Variants in SULF1 observed in about 807,000 individuals in gnomAD.
The protein encoded by SULF1 is sulfatase 1.
A neutral mutation model predicts 110.5 loss-of-function variants in SULF1; 46 were observed. The observed-to-expected ratio is 0.42, with a 90% CI of 0.33 to 0.53. SULF1 has a LOEUF of 0.53. Among genes scored for constraint, SULF1 ranks in the 20% least tolerant of loss-of-function variants. The pLI is 0.12. For synonymous variants in SULF1, 371 were observed against 387.1 expected, an observed-to-expected ratio of 0.96 and a Z score of 0.49; for missense variants, 941 against 1,094.2, an observed-to-expected ratio of 0.86 and a Z score of 1.98.
chr8:69,643,551 G>A (rs896402015), intron 22 of SULF1, among the ~76,000 whole-genome samples: 3 of 152,170 alleles, frequency 2.0e-5, no homozygotes, highest in Non-Finnish European at 4.4e-5. Flanking sequence ...TGTACAAGAT[G>A]AACTAAATAA....
intron 19 of SULF1, among the ~76,000 whole-genome samples, chr8:69,634,785 T>G (rs979010002): frequency 2.0e-5 from 3 of 151,900 alleles, no homozygotes; most frequent in Non-Finnish European, 4.4e-5. Flanking sequence ...AAGTTTTAAG[T>G]TGGAGAACAT....
At chr8:69,623,299 AG>A (rs1325124257) in intron 14 of SULF1, among the ~76,000 whole-genome samples, 1 of 152,204 alleles carries the variant, frequency 6.6e-6, no homozygotes, top group Non-Finnish European at 1.5e-5. Flanking sequence ...AGCCCAATGT[AG>A]TGGTAAGACT....
At chr8:69,513,941 G>C (rs762686958) in intron 3 of SULF1, among the ~76,000 whole-genome samples, 10 of 152,208 alleles carry the variant, frequency 6.6e-5, no homozygotes, top group African/African-American at 9.6e-5. Flanking sequence ...TAATGAAAAG[G>C]TAACAGTATA....
intron 1 of SULF1, among the ~76,000 whole-genome samples, chr8:69,484,233 A>G (rs1378835898): frequency 1.3e-5 from 2 of 152,212 alleles, no homozygotes; most frequent in Non-Finnish European, 2.9e-5. Context: ...GCTTTCTAGA[A>G]ACATAGTTTA....
At chr8:69,614,184 T>C (rs1808895853) in intron 13 of SULF1, among the ~76,000 whole-genome samples, 1 of 152,236 alleles carries the variant, frequency 6.6e-6, no homozygotes, top group Admixed American at 6.5e-5. Flanking sequence ...CTCATAACTC[T>C]GCAAAGGCTA....
At chr8:69,587,823 G>A (rs978242347) in intron 7 of SULF1, among the ~76,000 whole-genome samples, 11 of 152,162 alleles carry the variant, frequency 7.2e-5, no homozygotes, top group African/African-American at 2.2e-4. Flanking sequence ...CTAAATCAGC[G>A]TAACTTGTTC....
chr8:69,563,407 G>A (rs1437777075), intron 3 of SULF1, 132 bp from the exon 4 acceptor site: 1 of 152,120 alleles, frequency 6.6e-6, no homozygotes, highest in Non-Finnish European at 1.5e-5. Context: ...CTCCCTTTTG[G>A]AGCACAGAAG....
At chr8:69,595,363 T>A (rs1256819070) in intron 8 of SULF1, among the ~76,000 whole-genome samples, 1 of 152,230 alleles carries the variant, frequency 6.6e-6, no homozygotes, top group Non-Finnish European at 1.5e-5. Flanking sequence ...TTTGCACAAT[T>A]CTAACTGGTG....
At chr8:69,569,152 C>T (rs1805035773) in intron 5 of SULF1, among the ~76,000 whole-genome samples, 1 of 152,018 alleles carries the variant, frequency 6.6e-6, no homozygotes, top group Non-Finnish European at 1.5e-5. Context: ...AGGAAATTGA[C>T]CTGACAGGAA....
intron 3 of SULF1, among the ~76,000 whole-genome samples, chr8:69,562,180 G>A (rs1232051695): frequency 6.6e-6 from 1 of 152,200 alleles, no homozygotes; most frequent in Non-Finnish European, 1.5e-5. Context: ...AGAGTGAAAA[G>A]CATTAGAACT....
At chr8:69,607,399 C>T (rs1261981286) in intron 13 of SULF1, among the ~76,000 whole-genome samples, 1 of 152,216 alleles carries the variant, frequency 6.6e-6, no homozygotes, top group Non-Finnish European at 1.5e-5. Flanking sequence ...GGGTTTTACT[C>T]TGTCACCCAG....
intron 3 of SULF1, among the ~76,000 whole-genome samples, chr8:69,512,895 C>A (rs1811671176): frequency 6.6e-6 from 1 of 152,182 alleles, no homozygotes; most frequent in Non-Finnish European, 1.5e-5. Flanking sequence ...AATGTGATAA[C>A]CTTTGTAAAA....
At chr8:69,628,995 C>T (rs1484359620) in intron 18 of SULF1, among the ~76,000 whole-genome samples, 1 of 152,130 alleles carries the variant, frequency 6.6e-6, no homozygotes, top group Admixed American at 6.5e-5. Flanking sequence ...AATAAGGTCC[C>T]AAGAAAGCTG....
chr8:69,475,439 C>T (rs945996143), intron 1 of SULF1, among the ~76,000 whole-genome samples: 3 of 152,026 alleles, frequency 2.0e-5, no homozygotes, highest in African/African-American at 7.2e-5. Flanking sequence ...TGTCTATTCC[C>T]ATCGACGCAG....
intron 13 of SULF1, among the ~76,000 whole-genome samples, chr8:69,608,423 T>C (rs1808392181): frequency 6.6e-6 from 1 of 152,316 alleles, no homozygotes; most frequent in East Asian, 1.9e-4. Flanking sequence ...CTGATGCCTA[T>C]AATCCCAACA....
intron 4 of SULF1, 46 bp from the exon 5 acceptor site, chr8:69,563,870 G>A: frequency 2.6e-6 from 3 of 1,169,424 alleles, no homozygotes; most frequent in South Asian, 2.8e-5. Flanking sequence ...TTGGAGTTTG[G>A]ATTTCATTTT....
rs1472097556 is a variant in SULF1 at position 69,467,325 on chromosome 8, C to G, written c.-391+375C>G. ...TTTCAAACTGTTGCATTTTACTGCT[C>G]AATTTATAAAGATTCTTTGAAGGGT... On this transcript the variant is annotated intron_variant, in intron 1 of 22. Transcript: ENST00000260128. 2.0e-5 allele frequency among the ~76,000 whole-genome samples: 3 copies of G among 152,170 alleles called. No homozygotes were observed. In the East Asian group the frequency reaches 5.8e-4, roughly 29 times the overall value.
At chr8:69,506,355 A>G (rs1811197846) in intron 3 of SULF1, among the ~76,000 whole-genome samples, 1 of 152,144 alleles carries the variant, frequency 6.6e-6, no homozygotes, top group Non-Finnish European at 1.5e-5. Flanking sequence ...TATCCCTTTG[A>G]GACTAATCAC....
At chr8:69,629,745 C>T in intron 19 of SULF1, 66 bp downstream of exon 19, 2 of 1,346,052 alleles carry the variant, frequency 1.5e-6, no homozygotes, top group Admixed American at 2.3e-5. Flanking sequence ...TAACTTAGAT[C>T]AGAAATTCAG....
Sources: allele counts gnomAD v4.1 joint callset (sites outside exome capture counted in the v4.1 genomes callset), GRCh38; gene constraint gnomAD v4.1.1; transcripts MANE v1.5; gene names NCBI Gene and HGNC (gene_info 2026-07-23, HGNC 2026-07-21).